ZNF266: variants seen among roughly 807,000 people sequenced by gnomAD.
ZNF266 encodes zinc finger protein 1.
Under a neutral mutation model 16.4 loss-of-function variants are expected in ZNF266, and 16 were observed. The observed-to-expected ratio is 0.98, with a 90% confidence interval of 0.66 to 1.48. The LOEUF (loss-of-function observed/expected upper bound fraction) is 1.48. Ranked by LOEUF, ZNF266 falls within the 40% of genes most tolerant of loss-of-function variation. The pLI is 0.00. For missense variants in ZNF266, 738 were observed against 689.1 expected, an observed-to-expected ratio of 1.07 and a Z score of -0.79; for synonymous variants, 262 against 237.9, an observed-to-expected ratio of 1.10 and a Z score of -0.93.
chr19:9,427,868 A>G (rs2070994020), intron 5 of ZNF266, among the ~76,000 whole-genome samples: 1 of 152,176 alleles, frequency 6.6e-6, no homozygotes, highest in South Asian at 2.1e-4. Flanking sequence ...TAATTCCAGT[A>G]TCTTTTAGTA....
chr19:9,414,447 C>T lies in ZNF266; in HGVS notation c.679G>A (p.Asp227Asn), dbSNP rs1412210254. The stretch of plus-strand genomic sequence containing the variant: ...TGATTAATGAAGGATTTCCCAGAGT[C>T]ACTGCAATCAAAAGCTTTCTCTCCT... ...CTGEKAFDCS[D>N]SGKSFINHSH... is the part of the protein sequence containing the mutation. Residue 227 changes from aspartate to asparagine, a missense_variant, in exon 11 of 11, where the codon GAC becomes AAC. Physicochemically the swap from Asp to Asn is conservative, Grantham distance 23 (BLOSUM62 1). Transcript: ENST00000592904. 6.2e-7 allele frequency: 1 copy of T among 1,614,174 alleles called. No homozygotes were observed. Among genetic ancestry groups the T allele is most frequent in the Non-Finnish European group, 8.5e-7 (1 of 1,180,038 alleles).
intron 5 of ZNF266, among the ~76,000 whole-genome samples, chr19:9,425,774 A>G (rs2070652646): frequency 6.6e-6 from 1 of 152,184 alleles, no homozygotes; most frequent in African/African-American, 2.4e-5. Context: ...GCTAGCCTTA[A>G]GAGGGCAAGA....
Position 9,414,688 on chromosome 19 carries a change from A to C in ZNF266, c.438T>G (p.Asp146Glu). The C allele has an allele frequency of 6.3e-7, 1 of 1,584,564 alleles. No homozygotes were observed. ...TGGAGACATCTCCACATTGCTTAAC[A>C]TCACTGACCTCCCCTCCGTTGTGGC... ...IGSHNGGEVS[D>E]VKQCGDVSSE... Residue 146 changes from aspartate to glutamate, a missense_variant, in exon 11 of 11, where the codon GAT (aspartate) becomes GAG (glutamate). Coordinates refer to ENST00000592904, the MANE Select transcript of ZNF266 (RefSeq NM_001370374.1).
At chr19:9,418,779 C>T (rs2069436499) in intron 7 of ZNF266, 148 bp from the exon 8 acceptor site, 2 of 552,682 alleles carry the variant, frequency 3.6e-6, no homozygotes, top group South Asian at 4.4e-5. Flanking sequence ...CAGTCCCCTC[C>T]AGTGACACGG....
intron 5 of ZNF266, among the ~76,000 whole-genome samples, chr19:9,424,284 T>C (rs1042820986): frequency 6.7e-6 from 1 of 149,982 alleles, no homozygotes; most frequent in Admixed American, 6.6e-5. Context: ...ATCCCAATTA[T>C]CAAAGGGAAA....
chr19:9,417,729 C>G, intron 9 of ZNF266, 99 bp downstream of exon 9: 1 of 967,606 alleles, frequency 1.0e-6, no homozygotes, highest in African/African-American at 1.6e-5. Flanking sequence ...GCCTGGGTGA[C>G]AGAGTGAGAC....
chr19:9,424,037 A>G (rs758677806), intron 5 of ZNF266, among the ~76,000 whole-genome samples: 5 of 152,082 alleles, frequency 3.3e-5, no homozygotes, highest in Non-Finnish European at 5.9e-5. Flanking sequence ...TGAAGGTGGA[A>G]TTAACTCCAC....
At chr19:9,418,028 A>T in intron 8 of ZNF266, 120 bp from the exon 9 acceptor site, 1 of 1,037,832 alleles carries the variant, frequency 9.6e-7, no homozygotes. Context: ...AGGGCTAAAA[A>T]TGCAAATATC....
At chr19:9,418,449 A>T in intron 8 of ZNF266, 56 bp downstream of exon 8, 3 of 1,575,344 alleles carry the variant, frequency 1.9e-6, no homozygotes, top group Non-Finnish European at 2.6e-6. Context: ...GCAATACAGT[A>T]AGTACATAAC....
chr19:9,427,740 A>C (rs1485593623), intron 5 of ZNF266, among the ~76,000 whole-genome samples: 2 of 152,048 alleles, frequency 1.3e-5, no homozygotes, highest in African/African-American at 4.8e-5. Context: ...ATCTGTCATC[A>C]CATACGATCT....
intron 5 of ZNF266, among the ~76,000 whole-genome samples, chr19:9,430,432 C>T (rs2071423324): frequency 6.6e-6 from 1 of 152,128 alleles, no homozygotes. Context: ...ACACTACTAC[C>T]CTTCTCACTT....
chr19:9,427,917 A>G (rs1267285690), intron 5 of ZNF266, among the ~76,000 whole-genome samples: 1 of 152,172 alleles, frequency 6.6e-6, no homozygotes, highest in East Asian at 1.9e-4. Flanking sequence ...CTGATTTACA[A>G]ATTATAATTT....
intron 5 of ZNF266, among the ~76,000 whole-genome samples, chr19:9,421,090 T>C (rs949997422): frequency 1.3e-5 from 2 of 152,300 alleles, no homozygotes; most frequent in African/African-American, 4.8e-5. Context: ...CAATCTTTAA[T>C]AAATCAAACA....
Position 9,413,535 on chromosome 19 carries a change from A to G in ZNF266, c.1591T>C (p.Phe531Leu), listed in dbSNP as rs754636084. The change falls in exon 11 of 11, where the codon TTC becomes CTC. Residue 531 changes from phenylalanine to leucine, a missense_variant. Coordinates refer to ENST00000592904, the MANE Select transcript of ZNF266 (RefSeq NM_001370374.1). ...HMRTHSAKKPFTCMECGKAFK... is the reference protein window; with the variant it reads ...HMRTHSAKKPLTCMECGKAFK... The stretch of plus-strand genomic sequence containing the variant: ...GCTTTGCCACATTCCATACACGTGA[A>G]TGGTTTTTTGGCGCTGTGGGTCCGC... The G allele has an allele frequency of 3.5e-5, 57 of 1,613,258 alleles. No homozygotes were observed. Among genetic ancestry groups the G allele is most frequent in the African/African-American group, 2.9e-4 (22 of 74,920 alleles).
chr19:9,430,013 C>G (rs564355972), intron 5 of ZNF266, among the ~76,000 whole-genome samples: 282 of 143,938 alleles, frequency 2.0e-3, no homozygotes, highest in African/African-American at 6.7e-3. Context: ...CCCACCCCCC[C>G]ACCCAGTAGC....
chr19:9,417,784 C>T, intron 9 of ZNF266, 44 bp downstream of exon 9: 2 of 1,482,996 alleles, frequency 1.3e-6, no homozygotes, highest in South Asian at 2.3e-5. Flanking sequence ...TACTTATAAA[C>T]ATACTGAACT....
At chr19:9,426,959 T>TA (rs1477950195) in intron 5 of ZNF266, among the ~76,000 whole-genome samples, 2 of 152,204 alleles carry the variant, frequency 1.3e-5, no homozygotes, top group African/African-American at 4.8e-5. Flanking sequence ...AAATTAAAAT[T>TA]AAAGTGAGAC....
At chr19:9,427,241 A>G (rs1006723189) in intron 5 of ZNF266, among the ~76,000 whole-genome samples, 3 of 152,092 alleles carry the variant, frequency 2.0e-5, no homozygotes, top group Non-Finnish European at 2.9e-5. Flanking sequence ...CCCACACCCA[A>G]TATTATTAAA....
Position 9,414,260 on chromosome 19 carries a change from C to CT in ZNF266, c.865dup (p.Arg289LysfsTer7), listed in dbSNP as rs1251628482. On this transcript the variant is annotated frameshift_variant, in exon 11 of 11. Coordinates refer to ENST00000592904, the MANE Select transcript of ZNF266 (RefSeq NM_001370374.1). LOFTEE classifies it low-confidence loss of function (END_TRUNC). ...GTGAATATTAAGGTATGCAGAATAT[C>CT]TAAATCCTTTTCCACATTCCTTACA... 3 of 1,614,046 alleles carry CT rather than the reference C, an allele frequency of 1.9e-6. No individual in the cohort carries two copies. The highest frequency in any genetic ancestry group is 2.5e-6 in the Non-Finnish European group (3 of 1,180,036).
Sources: allele counts gnomAD v4.1 joint callset (sites outside exome capture counted in the v4.1 genomes callset), GRCh38; gene constraint gnomAD v4.1.1; transcripts MANE v1.5; gene names NCBI Gene and HGNC (gene_info 2026-07-23, HGNC 2026-07-21).